VPS41: variants seen among roughly 807,000 people sequenced by gnomAD.
VPS41 encodes vacuolar protein sorting-associated protein 41 homolog.
Under a neutral mutation model 130.9 loss-of-function variants are expected in VPS41, and 85 were observed. The ratio of observed to expected loss-of-function variants is 0.65; its 90% CI spans 0.55 to 0.78. The LOEUF (loss-of-function observed/expected upper bound fraction) is 0.78. VPS41 is among the 30% of genes least tolerant of loss of function. VPS41 has a pLI of 0.00. For missense variants in VPS41, 874 were observed against 1,018.7 expected, an observed-to-expected ratio of 0.86 and a Z score of 1.93; for synonymous variants, 335 against 332.9, an observed-to-expected ratio of 1.01 and a Z score of -0.07.
chr7:38,782,587 A>G (rs1468157889), intron 10 of VPS41, among the ~76,000 whole-genome samples: 1 of 152,162 alleles, frequency 6.6e-6, no homozygotes, highest in Non-Finnish European at 1.5e-5. Context: ...GAATCTTCTA[A>G]CCACAAAATT....
In VPS41 at chr7:38,746,320, T is replaced by C. The variant is rs539410805; in HGVS notation, c.1927-707A>G. Among the ~76,000 whole-genome samples, 10 of 151,874 alleles carry C rather than the reference T, an allele frequency of 6.6e-5. No individual in the cohort carries two copies. The South Asian group carries it at 2.1e-3, about 32-fold the overall frequency. On this transcript the variant is annotated intron_variant, in intron 22 of 28. Transcript: ENST00000310301. ...CTTACTAATTCTAAATTAATCAGGATACATTTACTATATTCTCTGTGCTGG... is the reference window on the plus strand; with the variant it reads ...CTTACTAATTCTAAATTAATCAGGACACATTTACTATATTCTCTGTGCTGG...
intron 1 of VPS41, among the ~76,000 whole-genome samples, chr7:38,903,236 C>T (rs564779343): frequency 1.3e-5 from 2 of 152,268 alleles, no homozygotes; most frequent in South Asian, 4.1e-4. Context: ...TTCAACCAGC[C>T]CCCATCCCTA....
At chr7:38,830,974 T>C (rs1474308932) in intron 4 of VPS41, among the ~76,000 whole-genome samples, 1 of 152,310 alleles carries the variant, frequency 6.6e-6, no homozygotes, top group East Asian at 1.9e-4. Context: ...GAGTGAAGAA[T>C]ACTGCACTGG....
chr7:38,865,665 T>C (rs561891926), intron 3 of VPS41, among the ~76,000 whole-genome samples: 2 of 152,284 alleles, frequency 1.3e-5, no homozygotes, highest in Non-Finnish European at 2.9e-5. Flanking sequence ...GGTAGGCTTG[T>C]AGTAAAAACC....
intron 4 of VPS41, among the ~76,000 whole-genome samples, chr7:38,843,998 A>C (rs550122194): frequency 1.4e-4 from 22 of 152,342 alleles, no homozygotes; most frequent in Non-Finnish European, 2.4e-4. Context: ...TTAAAAGTTC[A>C]CCTCTATTTA....
rs961549296 is a variant in VPS41, at chr7:38,765,218, T to C, written c.1329+362A>G. Among the ~76,000 whole-genome samples the C allele has an allele frequency of 3.9e-5, 6 of 152,200 alleles. No individual in the cohort carries two copies. The South Asian group carries it at 1.0e-3, about 26-fold the overall frequency. ...ATCTGTCTTTCAGCAGGTAAAATAT[T>C]ACTTGAAAAATACAATATTATTCAG... On this transcript the variant is annotated intron_variant, in intron 16 of 28. Coordinates refer to ENST00000310301, the MANE Select transcript of VPS41 (RefSeq NM_014396.4).
chr7:38,887,137 ACTC>A (rs911522247), intron 2 of VPS41, among the ~76,000 whole-genome samples: 4 of 152,028 alleles, frequency 2.6e-5, no homozygotes, highest in African/African-American at 7.2e-5. Context: ...AAGGAACACA[ACTC>A]CTCGCCAGCA....
chr7:38,882,529 C>T (rs1185955188), intron 2 of VPS41, among the ~76,000 whole-genome samples: 2 of 152,180 alleles, frequency 1.3e-5, no homozygotes, highest in Non-Finnish European at 2.9e-5. Context: ...ACTTGAACTA[C>T]TCTTCTTCAG....
intron 27 of VPS41, among the ~76,000 whole-genome samples, chr7:38,727,401 G>A (rs945488733): frequency 6.6e-6 from 1 of 152,212 alleles, no homozygotes; most frequent in Non-Finnish European, 1.5e-5. Flanking sequence ...GCGGACCTGG[G>A]TTACAAGCCC....
At chr7:38,736,672 T>C (rs1795774909) in intron 25 of VPS41, among the ~76,000 whole-genome samples, 1 of 152,212 alleles carries the variant, frequency 6.6e-6, no homozygotes, top group Non-Finnish European at 1.5e-5. Flanking sequence ...AACAGCACTA[T>C]GTAGATAGTC....
At chr7:38,814,065 A>G (rs1239207617) in intron 7 of VPS41, among the ~76,000 whole-genome samples, 2 of 152,164 alleles carry the variant, frequency 1.3e-5, no homozygotes, top group Non-Finnish European at 2.9e-5. Context: ...TTCCCATGTT[A>G]TCTTACCAAC....
At chr7:38,814,601 G>T (rs1373297164) in intron 7 of VPS41, among the ~76,000 whole-genome samples, 1 of 152,084 alleles carries the variant, frequency 6.6e-6, no homozygotes, top group Non-Finnish European at 1.5e-5. Context: ...AGCGAGCCGA[G>T]ATCGCGCCAC....
chr7:38,745,264 G>C (rs1334608249), intron 23 of VPS41, among the ~76,000 whole-genome samples: 1 of 152,038 alleles, frequency 6.6e-6, no homozygotes. Context: ...TAATTTTTTA[G>C]AAAATGAAAA....
At chr7:38,821,612 T>C (rs111922058) in intron 5 of VPS41, among the ~76,000 whole-genome samples, 9 of 144,522 alleles carry the variant, frequency 6.2e-5, no homozygotes, top group Admixed American at 1.5e-4. Context: ...AGGAGGATGA[T>C]AGGAGAATTG....
chr7:38,885,751 T>C (rs1041684652), intron 2 of VPS41, among the ~76,000 whole-genome samples: 1 of 152,164 alleles, frequency 6.6e-6, no homozygotes, highest in African/African-American at 2.4e-5. Context: ...GTTGGAAATA[T>C]CAAAGTAGCC....
At chr7:38,792,524 T>C (rs866951600) in intron 9 of VPS41, among the ~76,000 whole-genome samples, 31 of 152,326 alleles carry the variant, frequency 2.0e-4, no homozygotes, top group Middle Eastern at 6.8e-3. Flanking sequence ...GAGTCTACCA[T>C]CAAAATATAT....
chr7:38,873,585 T>G (rs1232660924), intron 2 of VPS41, among the ~76,000 whole-genome samples: 1 of 152,200 alleles, frequency 6.6e-6, no homozygotes, highest in Non-Finnish European at 1.5e-5. Flanking sequence ...CAGTCTGAGT[T>G]AAGATGACAG....
At position 38,724,329 on chromosome 7, in the gene VPS41, G is replaced by A. The variant is rs1484458933; in HGVS notation, c.*1917C>T. The A allele has an allele frequency of 6.6e-6, 1 of 152,198 alleles. No homozygotes were observed. Among genetic ancestry groups the A allele is most frequent in the Non-Finnish European group, 1.5e-5 (1 of 68,050 alleles). The allele number at this position is 152,198 out of a possible 1,614,324, so 9.4% of individuals were successfully genotyped here. ...AATGTAAATGTAATAAACTGAATCT[G>A]TAAATTGGTAATGTTGAAAAGAAAA... On this transcript the variant is annotated 3_prime_UTR_variant, in exon 29 of 29. Transcript: ENST00000310301.
chr7:38,856,987 ATAGT>A (rs1417921535), intron 4 of VPS41, among the ~76,000 whole-genome samples: 1 of 152,226 alleles, frequency 6.6e-6, no homozygotes, highest in South Asian at 2.1e-4. Flanking sequence ...GCTTAGCTAG[ATAGT>A]TAGGACTTGA....
Sources: gnomAD v4.1 joint callset for allele counts (sites outside exome capture counted in the v4.1 genomes callset) on GRCh38, gnomAD v4.1.1 for gene constraint, MANE v1.5 for transcripts, NCBI Gene and HGNC (gene_info 2026-07-23, HGNC 2026-07-21) for gene names.